Variants in PTPRN2 observed in about 807,000 individuals in gnomAD.
PTPRN2 encodes the protein protein tyrosine phosphatase receptor type N2.
Under a neutral mutation model 118.8 loss-of-function variants are expected in PTPRN2, and 74 were observed. The observed-to-expected ratio is 0.62, with a 90% CI of 0.52 to 0.76. The LOEUF is 0.76. Ranked by LOEUF, PTPRN2 falls within the 30% of genes least tolerant of loss-of-function variation. The probability of loss-of-function intolerance (pLI) is 0.00; values close to 1 mark genes in which losing one functional copy is unlikely to be tolerated. For missense variants in PTPRN2, 1,481 were observed against 1,394.4 expected, an observed-to-expected ratio of 1.06 and a Z score of -0.99; for synonymous variants, 641 against 608.0, an observed-to-expected ratio of 1.05 and a Z score of -0.80.
chr7:157,829,259 G>C (rs558165584), intron 12 of PTPRN2, among the ~76,000 whole-genome samples: 1 of 152,232 alleles, frequency 6.6e-6, no homozygotes, highest in Non-Finnish European at 1.5e-5. Flanking sequence ...CAAGGGTCCC[G>C]TCTTGCTGCG....
chr7:157,542,951 T>C (rs1798083952), intron 22 of PTPRN2, among the ~76,000 whole-genome samples: 1 of 152,084 alleles, frequency 6.6e-6, no homozygotes, highest in African/African-American at 2.4e-5. Context: ...GTCAGCTGCA[T>C]GCGGCGCCGG....
intron 2 of PTPRN2, among the ~76,000 whole-genome samples, chr7:158,412,609 G>A (rs1489784240): frequency 5.8e-5 from 4 of 68,476 alleles, no homozygotes; most frequent in African/African-American, 1.3e-4. Flanking sequence ...CCCATCCAGT[G>A]CCCTCCTCAG....
chr7:158,300,378 C>G (rs566473118), intron 3 of PTPRN2, among the ~76,000 whole-genome samples: 3 of 152,134 alleles, frequency 2.0e-5, no homozygotes, highest in African/African-American at 7.2e-5. Flanking sequence ...GAGCATGGAC[C>G]TAGGTAGTCG....
intron 2 of PTPRN2, among the ~76,000 whole-genome samples, chr7:158,482,754 C>T (rs1258380905): frequency 6.6e-6 from 1 of 152,130 alleles, no homozygotes; most frequent in African/African-American, 2.4e-5. Flanking sequence ...TTTTTATATT[C>T]ACAAATGAGC....
chr7:158,574,115 G>A lies in PTPRN2; in HGVS notation c.112+13443C>T, dbSNP rs1375538854. Among the ~76,000 whole-genome samples the A allele has an allele frequency of 6.6e-6, 1 of 152,084 alleles. No individual in the cohort carries two copies. Among genetic ancestry groups the A allele is most frequent in the Non-Finnish European group, 1.5e-5 (1 of 68,020 alleles). On this transcript the variant is annotated intron_variant, in intron 1 of 22. Transcript: ENST00000389418. This position sits in a 1 kb window ranked among gnomAD's most constrained non-coding sequence, Gnocchi z 4.6. ...CCAGAAAGATTAAAAATCATCGTTC[G>A]GACTTTCTCAATTATAGATTTATGC...
At position 157,585,633 on chromosome 7, in the gene PTPRN2, G is replaced by A. The variant is rs73747258; in HGVS notation, c.2497-7493C>T. Among the ~76,000 whole-genome samples the A allele has an allele frequency of 0.013, 1,915 of 152,334 alleles. 42 individuals carry two copies. The highest frequency in any genetic ancestry group is 0.043 in the African/African-American group (1,790 of 41,576). On this transcript the variant is annotated intron_variant, in intron 17 of 22. Coordinates refer to ENST00000389418, the MANE Select transcript of PTPRN2 (RefSeq NM_002847.5). The surrounding 1 kb of genome is among the most constrained non-coding windows in gnomAD (Gnocchi z 5.2). ...TGCTCACGTTCCCGGTTAAATATGC[G>A]CCTGGTCTCCTTGCGGGGAGCTGCT...
chr7:158,139,486 A>AG (rs1819170545), intron 6 of PTPRN2, among the ~76,000 whole-genome samples: 1 of 151,196 alleles, frequency 6.6e-6, no homozygotes, highest in South Asian at 2.1e-4. Flanking sequence ...CGGAGTCAGG[A>AG]GGGCACGGGG....
intron 12 of PTPRN2, among the ~76,000 whole-genome samples, chr7:157,702,915 C>T (rs955305964): frequency 1.3e-5 from 2 of 152,056 alleles, no homozygotes; most frequent in African/African-American, 2.4e-5. Flanking sequence ...ACCTGAGGGG[C>T]CAAAATAGCT....
rs532653262 is a variant in PTPRN2 at position 157,650,920 on chromosome 7, C to A, written c.2196+5437G>T. 2.6e-5 allele frequency among the ~76,000 whole-genome samples: 4 copies of A among 152,314 alleles called. No individual in the cohort carries two copies. In the East Asian group the frequency reaches 7.7e-4, roughly 29 times the overall value. ...CAAACAATGAGAGACAGAGATCTCTCAAGGTGCACAGGCAGAGACACGACG... is the reference window on the plus strand; with the variant it reads ...CAAACAATGAGAGACAGAGATCTCTAAAGGTGCACAGGCAGAGACACGACG... On this transcript the variant is annotated intron_variant, in intron 14 of 22. Transcript: ENST00000389418.
At chr7:157,769,259 G>A (rs953497180) in intron 12 of PTPRN2, among the ~76,000 whole-genome samples, 5 of 152,204 alleles carry the variant, frequency 3.3e-5, no homozygotes, top group South Asian at 2.1e-4. Context: ...GGCCACTCCC[G>A]ACGGCATCCA....
chr7:158,187,985 T>A (rs1825312121), intron 5 of PTPRN2, among the ~76,000 whole-genome samples: 1 of 152,088 alleles, frequency 6.6e-6, no homozygotes, highest in Admixed American at 6.5e-5. Flanking sequence ...TTTCTTGAAA[T>A]GGAGAGCAGG....
intron 5 of PTPRN2, among the ~76,000 whole-genome samples, chr7:158,182,570 A>G (rs1824804200): frequency 6.6e-6 from 1 of 152,006 alleles, no homozygotes; most frequent in Non-Finnish European, 1.5e-5. Flanking sequence ...GAGAACATGC[A>G]GTGTTTGATT....
At chr7:158,050,685 C>A (rs1809258930) in intron 11 of PTPRN2, among the ~76,000 whole-genome samples, 1 of 152,190 alleles carries the variant, frequency 6.6e-6, no homozygotes, top group South Asian at 2.1e-4. Context: ...GGAAGGCCTC[C>A]TTCTCTGCAG....
At chr7:158,194,533 C>T (rs1826056501) in intron 4 of PTPRN2, among the ~76,000 whole-genome samples, 1 of 152,204 alleles carries the variant, frequency 6.6e-6, no homozygotes, top group East Asian at 1.9e-4. Flanking sequence ...CTGCAGTGGA[C>T]GGTCCAGACG....
chr7:158,153,236 C>T (rs1585657811), intron 6 of PTPRN2, among the ~76,000 whole-genome samples: 1 of 152,196 alleles, frequency 6.6e-6, no homozygotes, highest in African/African-American at 2.4e-5. Flanking sequence ...CTGAGAGCTA[C>T]TTCTACTCAA....
intron 2 of PTPRN2, among the ~76,000 whole-genome samples, chr7:158,400,708 G>A (rs575450755): frequency 1.2e-3 from 176 of 152,148 alleles, no homozygotes; most frequent in African/African-American, 3.9e-3. Context: ...ACAGGACACC[G>A]TGGTCCCAGC....
intron 6 of PTPRN2, among the ~76,000 whole-genome samples, chr7:158,162,606 G>A (rs1006816367): frequency 4.8e-5 from 7 of 144,584 alleles, no homozygotes; most frequent in Middle Eastern, 3.6e-3. Flanking sequence ...AACTGGAGAC[G>A]CTGAACTAGA....
chr7:157,689,980 C>T (rs1157050295), intron 12 of PTPRN2, among the ~76,000 whole-genome samples: 1 of 152,218 alleles, frequency 6.6e-6, no homozygotes, highest in East Asian at 1.9e-4. Context: ...ATCCTGGCTG[C>T]TCGCCCCTTC....
intron 2 of PTPRN2, among the ~76,000 whole-genome samples, chr7:158,439,961 C>T (rs1051470111): frequency 1.3e-5 from 2 of 152,220 alleles, no homozygotes; most frequent in Non-Finnish European, 1.5e-5. Context: ...GGTTCTGTGA[C>T]ATCATGTTGA....
Sources: gnomAD v4.1 joint callset for allele counts (sites outside exome capture counted in the v4.1 genomes callset) on GRCh38, gnomAD v4.1.1 for gene constraint, Gnocchi (gnomAD v3.1) non-coding constraint, MANE v1.5 for transcripts, NCBI Gene and HGNC (gene_info 2026-07-23, HGNC 2026-07-21) for gene names.